Variants in DNAH9 observed in about 807,000 individuals in gnomAD.
DNAH9 encodes the protein dynein axonemal heavy chain 9.
DNAH9 carries 345 observed loss-of-function variants against 471.6 expected under a neutral mutation model. The observed-to-expected ratio is 0.73, with a 90% CI of 0.67 to 0.80. The LOEUF (loss-of-function observed/expected upper bound fraction) is 0.80, where lower values mean the gene tolerates loss of function less well. Ranked by LOEUF, DNAH9 falls within the 30% of genes least tolerant of loss-of-function variation. The pLI is 0.00. For synonymous variants in DNAH9, 2,093 were observed against 2,123.6 expected (o/e 0.99, Z 0.40); for missense variants, 5,407 against 5,609.2 (o/e 0.96, Z 1.15).
chr17:11,675,595 T>C (rs1481178923), intron 17 of DNAH9, among the ~76,000 whole-genome samples: 1 of 152,222 alleles, frequency 6.6e-6, no homozygotes, highest in African/African-American at 2.4e-5. Context: ...TTGCTTTATC[T>C]GATTTTAAAA....
At chr17:11,945,034 G>A (rs929412913) in intron 67 of DNAH9, among the ~76,000 whole-genome samples, 1 of 152,204 alleles carries the variant, frequency 6.6e-6, no homozygotes, top group African/African-American at 2.4e-5. Context: ...TGGCAGGAGG[G>A]GTTCGCAGAG....
chr17:11,871,531 T>G, intron 51 of DNAH9, 67 bp from the exon 52 acceptor site: 2 of 1,461,068 alleles, frequency 1.4e-6, no homozygotes, highest in Non-Finnish European at 1.9e-6. Flanking sequence ...CTCTCCATGA[T>G]GGAATCACGG....
chr17:11,752,361 GTTGTTC>G (rs1967192750), intron 32 of DNAH9, among the ~76,000 whole-genome samples: 1 of 152,186 alleles, frequency 6.6e-6, no homozygotes, highest in African/African-American at 2.4e-5. Context: ...ACTATCAGGA[GTTGTTC>G]TTGTTCTTGT....
intron 43 of DNAH9, among the ~76,000 whole-genome samples, chr17:11,803,379 G>GGT (rs35385819): frequency 0.22 from 33,835 of 150,432 alleles, 4,539 homozygotes; most frequent in Non-Finnish European, 0.32. Flanking sequence ...ATTCTCTAGG[G>GGT]GTGTGTGTGT....
intron 7 of DNAH9, among the ~76,000 whole-genome samples, chr17:11,631,111 A>G (rs2073057175): frequency 6.6e-6 from 1 of 152,082 alleles, no homozygotes; most frequent in Non-Finnish European, 1.5e-5. Flanking sequence ...GGAAAGGACC[A>G]GAGAAGCATT....
chr17:11,962,237 G>A lies in DNAH9; in HGVS notation c.13214G>A (p.Gly4405Asp). The stretch of plus-strand genomic sequence containing the variant: ...TACATCCATGGCCTCTTCATGGAAG[G>A]TGCCTGCTGGGACACACAGGTAAAG... ...GAYIHGLFME[G>D]ACWDTQAGII... The change falls in exon 68 of 69, where the codon GGT (glycine) becomes GAT (aspartate). Residue 4405 changes from glycine to aspartate, a missense_variant. Gly to Asp is a moderately conservative substitution (Grantham distance 94). Coordinates refer to ENST00000262442, the MANE Select transcript of DNAH9 (RefSeq NM_001372.4). This position sits in a 1 kb window ranked among gnomAD's most constrained non-coding sequence, Gnocchi z 4.1. The A allele has an allele frequency of 1.2e-6, 2 of 1,607,480 alleles. No homozygotes were observed. The highest frequency in any genetic ancestry group is 2.2e-5 in the East Asian group (1 of 44,774).
chr17:11,816,257 A>G (rs895708850), intron 45 of DNAH9, among the ~76,000 whole-genome samples: 13 of 152,240 alleles, frequency 8.5e-5, no homozygotes, highest in Non-Finnish European at 1.9e-4. Context: ...AATACAAAAA[A>G]AAGAAGGATT....
chr17:11,967,254 T>G (rs943053250), intron 68 of DNAH9, among the ~76,000 whole-genome samples: 2 of 151,772 alleles, frequency 1.3e-5, no homozygotes, highest in Non-Finnish European at 2.9e-5. Flanking sequence ...TACAGGCATG[T>G]GCCACCATGC....
Position 11,735,814 on chromosome 17 carries a change from A to G in DNAH9, c.5815-3066A>G, listed in dbSNP as rs192660594. On this transcript the variant is annotated intron_variant, in intron 28 of 68. Transcript: ENST00000262442. ...ACAAACATGATAGTTTTCAAAGTAA[A>G]ACAAATTGCTCTGAAAACGTATATG... is the stretch of plus-strand genomic sequence containing the variant. Among the ~76,000 whole-genome samples the G allele has an allele frequency of 6.8e-4, 104 of 152,294 alleles. 1 individual carries two copies. Among genetic ancestry groups the G allele is most frequent in the Admixed American group, 6.8e-3 (104 of 15,306 alleles).
At chr17:11,619,168 C>G (rs534972932) in intron 5 of DNAH9, among the ~76,000 whole-genome samples, 1 of 152,314 alleles carries the variant, frequency 6.6e-6, no homozygotes, top group East Asian at 1.9e-4. Context: ...AGGTGTAAGC[C>G]TCTTCGAGAC....
chr17:11,716,142 G>A (rs1347395919), intron 26 of DNAH9, among the ~76,000 whole-genome samples: 2 of 143,634 alleles, frequency 1.4e-5, no homozygotes, highest in Non-Finnish European at 3.0e-5. Context: ...GGAATGCAGT[G>A]GTGCCATCTC....
chr17:11,611,524 G>C, intron 3 of DNAH9, 126 bp from the exon 4 acceptor site: 1 of 963,596 alleles, frequency 1.0e-6, no homozygotes, highest in South Asian at 1.6e-5. Context: ...CTTTGGGCTG[G>C]AGCACAGCCT....
intron 59 of DNAH9, among the ~76,000 whole-genome samples, chr17:11,900,401 G>C (rs778491269): frequency 1.3e-5 from 2 of 149,668 alleles, no homozygotes; most frequent in Admixed American, 1.4e-4. Context: ...TGTTCCTGTC[G>C]GTGGTAAGGC....
chr17:11,904,990 T>A (rs1207206911), intron 60 of DNAH9, among the ~76,000 whole-genome samples: 2 of 151,686 alleles, frequency 1.3e-5, no homozygotes, highest in African/African-American at 4.9e-5. Flanking sequence ...TCCCAACACT[T>A]TGGGAGGCTG....
At chr17:11,773,975 C>CAA (rs1024044662) in intron 38 of DNAH9, among the ~76,000 whole-genome samples, 4 of 145,370 alleles carry the variant, frequency 2.8e-5, no homozygotes, top group Non-Finnish European at 4.6e-5. Context: ...ATCAAAAATA[C>CAA]AAAAAAAAAA....
At chr17:11,745,996 C>T (rs2150841809) in intron 31 of DNAH9, among the ~76,000 whole-genome samples, 1 of 152,204 alleles carries the variant, frequency 6.6e-6, no homozygotes, top group South Asian at 2.1e-4. Context: ...AGAAAAAGAA[C>T]AGAAAGATAA....
At chr17:11,800,325 C>T (rs1242024131) in intron 43 of DNAH9, among the ~76,000 whole-genome samples, 2 of 151,912 alleles carry the variant, frequency 1.3e-5, no homozygotes, top group East Asian at 1.9e-4. Flanking sequence ...CACCTCCTCT[C>T]ACCTTCTCGG....
intron 68 of DNAH9, among the ~76,000 whole-genome samples, chr17:11,968,863 T>C (rs116824273): frequency 0.011 from 1,643 of 152,202 alleles, 33 homozygotes; most frequent in African/African-American, 0.038. Flanking sequence ...GCATATGAAA[T>C]AGAAAAGAAA....
At chr17:11,672,226 C>T (rs1012016353) in intron 17 of DNAH9, among the ~76,000 whole-genome samples, 4 of 152,172 alleles carry the variant, frequency 2.6e-5, no homozygotes, top group Admixed American at 2.0e-4. Context: ...CTCTTCCTGC[C>T]CTAATCTGAC....
Sources: gnomAD v4.1 joint callset for allele counts (sites outside exome capture counted in the v4.1 genomes callset) on GRCh38, gnomAD v4.1.1 for gene constraint, Gnocchi (gnomAD v3.1) non-coding constraint, MANE v1.5 for transcripts, NCBI Gene and HGNC (gene_info 2026-07-23, HGNC 2026-07-21) for gene names.